NEXMIF: variants seen among roughly 807,000 people sequenced by gnomAD.
The protein encoded by NEXMIF is neurite extension and migration factor.
NEXMIF carries 8 observed loss-of-function variants against 62.1 expected under a neutral mutation model. That is an observed-to-expected ratio of 0.13 (90% CI 0.08 to 0.23). NEXMIF has a LOEUF of 0.23. NEXMIF is among the 10% of genes least tolerant of loss of function. The pLI is 1.00. For synonymous variants in NEXMIF, 404 were observed against 416.6 expected, an observed-to-expected ratio of 0.97 and a Z score of 0.37; for missense variants, 976 against 1,113.3, an observed-to-expected ratio of 0.88 and a Z score of 1.75.
chrX:74,780,780 T>C (rs949248718), intron 1 of NEXMIF, among the ~76,000 whole-genome samples: 1 of 111,970 alleles, frequency 8.9e-6, no homozygotes, highest in African/African-American at 3.2e-5. Context: ...TTATCTCTTC[T>C]AGGGAAGATG....
rs1229342894 is a variant in NEXMIF at position 74,897,518 on chromosome X, A to G, written c.-48+27365T>C. ...AGAAGAACTACCTTTGATTTCTCTT[A>G]AATTTTATAATTGTTGTGGAGGGTA... On this transcript the variant is annotated intron_variant, in intron 1 of 3. Transcript: ENST00000055682. Among the ~76,000 whole-genome samples the G allele has an allele frequency of 3.6e-5, 4 of 111,730 alleles. No homozygotes were observed. The East Asian group carries it at 8.4e-4, about 23-fold the overall frequency.
rs758872521 is a variant in NEXMIF, at chrX:74,831,621, C to T, written c.-47-85924G>A. Among the ~76,000 whole-genome samples the T allele has an allele frequency of 3.4e-3, 372 of 110,591 alleles. 2 individuals are homozygous for T. The highest frequency in any genetic ancestry group is 0.012 in the African/African-American group (352 of 30,351). ...TTGGACATTTGGGTTGGTTCCAAGT[C>T]TTTGCTATTGTGAATAGTGCCGCAA... is the stretch of plus-strand genomic sequence containing the variant. On this transcript the variant is annotated intron_variant, in intron 1 of 3. Transcript: ENST00000055682.
chrX:74,764,232 G>T (rs1465395079), intron 1 of NEXMIF, among the ~76,000 whole-genome samples: 1 of 111,757 alleles, frequency 8.9e-6, no homozygotes, highest in Non-Finnish European at 1.9e-5. Flanking sequence ...TAATCATGTT[G>T]TTTTTGTCTT....
At chrX:74,876,509 G>A in intron 1 of NEXMIF, among the ~76,000 whole-genome samples, 1 of 108,993 alleles carries the variant, frequency 9.2e-6, no homozygotes, top group Non-Finnish European at 1.9e-5. Context: ...TATTAGGTTC[G>A]CTTGGTGCAG....
chrX:74,799,914 G>T (rs933592741), intron 1 of NEXMIF, among the ~76,000 whole-genome samples: 1 of 111,482 alleles, frequency 9.0e-6, no homozygotes. Context: ...AAAACTCATA[G>T]TATTGAAGGG....
chrX:74,850,990 A>G (rs1047234015), intron 1 of NEXMIF, among the ~76,000 whole-genome samples: 2 of 110,566 alleles, frequency 1.8e-5, no homozygotes, highest in African/African-American at 6.6e-5. Context: ...AATTCAGTAT[A>G]TTAATGAGAA....
intron 1 of NEXMIF, among the ~76,000 whole-genome samples, chrX:74,746,333 T>C (rs2080126048): frequency 8.9e-6 from 1 of 112,028 alleles, no homozygotes; most frequent in African/African-American, 3.2e-5. Flanking sequence ...AAAATGTGAC[T>C]ACAAAGAAGA....
At chrX:74,874,510 C>T (rs1256599024) in intron 1 of NEXMIF, among the ~76,000 whole-genome samples, 19 of 102,551 alleles carry the variant, frequency 1.9e-4, no homozygotes, top group Admixed American at 8.6e-4. Flanking sequence ...TTTAAAGTAG[C>T]TTTTTCCAAT....
intron 1 of NEXMIF, among the ~76,000 whole-genome samples, chrX:74,789,645 T>G (rs895466600): frequency 4.5e-5 from 5 of 110,814 alleles, no homozygotes; most frequent in African/African-American, 1.6e-4. Context: ...TGTTGTTTCC[T>G]GACTTTTTAA....
At chrX:74,833,823 C>G (rs181900971) in intron 1 of NEXMIF, among the ~76,000 whole-genome samples, 1 of 111,410 alleles carries the variant, frequency 9.0e-6, no homozygotes, top group East Asian at 2.8e-4. Context: ...CAACTTAACA[C>G]TGATTACGTA....
At chrX:74,922,341 TG>T (rs2080829948) in intron 1 of NEXMIF, among the ~76,000 whole-genome samples, 8 of 73,703 alleles carry the variant, frequency 1.1e-4, no homozygotes, top group African/African-American at 8.8e-4. Flanking sequence ...GTTATGGGTG[TG>T]TGTGTGTGTG....
chrX:74,841,660 C>A (rs1330509771), intron 1 of NEXMIF, among the ~76,000 whole-genome samples: 1 of 111,752 alleles, frequency 8.9e-6, no homozygotes, highest in Non-Finnish European at 1.9e-5. Flanking sequence ...TCCTTCAATA[C>A]CTAGTTTATT....
intron 1 of NEXMIF, among the ~76,000 whole-genome samples, chrX:74,873,635 C>A (rs1229961498): frequency 8.9e-6 from 1 of 111,804 alleles, no homozygotes; most frequent in Non-Finnish European, 1.9e-5. Context: ...TATTTCTCCA[C>A]ATCCTCTCCA....
intron 1 of NEXMIF, among the ~76,000 whole-genome samples, chrX:74,760,857 T>C (rs1285179493): frequency 9.7e-6 from 1 of 103,350 alleles, no homozygotes; most frequent in African/African-American, 3.6e-5. Flanking sequence ...TTTATTTATT[T>C]ATTTATTTAT....
At chrX:74,904,956 A>G (rs772995260) in intron 1 of NEXMIF, among the ~76,000 whole-genome samples, 79 of 111,582 alleles carry the variant, frequency 7.1e-4, no homozygotes, top group Non-Finnish European at 1.3e-3. Context: ...AGCTGCCTAG[A>G]ACCTTTGCAA....
In NEXMIF at chrX:74,741,930, T is replaced by C; in HGVS notation, c.2627A>G (p.His876Arg). 2 of 1,211,730 alleles carry C rather than the reference T, an allele frequency of 1.7e-6. No individual in the cohort carries two copies. The highest frequency in any genetic ancestry group is 2.2e-6 in the Non-Finnish European group (2 of 895,498). The change falls in exon 3 of 4, where the codon CAT (histidine) becomes CGT (arginine). Residue 876 changes from histidine to arginine, a missense_variant. His to Arg is a conservative substitution (Grantham distance 29, BLOSUM62 0). Around this residue, in one of 5 missense-constraint regions of NEXMIF, gnomAD observed 639 missense variants for 694.5 expected, o/e 0.92. Coordinates refer to ENST00000055682, the MANE Select transcript of NEXMIF (RefSeq NM_001008537.3). ...SSDSELQQSS[H>R]NFKMESSNYR... ...GTTGCTTGATTCCATTTTGAAGTTA[T>C]GAGATGACTGCTGCAGCTCAGAGTC... is the stretch of plus-strand genomic sequence containing the variant.
At chrX:74,801,974 G>A (rs764929448) in intron 1 of NEXMIF, among the ~76,000 whole-genome samples, 1 of 112,222 alleles carries the variant, frequency 8.9e-6, no homozygotes, top group Non-Finnish European at 1.9e-5. Context: ...AGGCTCCTCT[G>A]CCTGTGGAAA....
chrX:74,784,705 T>C (rs1439957603), intron 1 of NEXMIF, among the ~76,000 whole-genome samples: 1 of 110,897 alleles, frequency 9.0e-6, no homozygotes, highest in African/African-American at 3.3e-5. Flanking sequence ...TCAAATCGTA[T>C]ACATTTTTAG....
At chrX:74,924,152 G>A (rs890753426) in intron 1 of NEXMIF, among the ~76,000 whole-genome samples, 1 of 111,393 alleles carries the variant, frequency 9.0e-6, no homozygotes, top group African/African-American at 3.3e-5. Context: ...CGCTCCCCGC[G>A]CCGGCTCACG....
Sources: gnomAD v4.1 joint callset for allele counts (sites outside exome capture counted in the v4.1 genomes callset) on GRCh38, gnomAD v4.1.1 for gene constraint, gnomAD v4.1.1 regional missense constraint, MANE v1.5 for transcripts, NCBI Gene and HGNC (gene_info 2026-07-23, HGNC 2026-07-21) for gene names.